The following CTNNA1 variants were observed in gnomAD, a reference collection of about 807,000 sequenced individuals.
CTNNA1 encodes catenin alpha-1.
Under a neutral mutation model 98.4 loss-of-function variants are expected in CTNNA1, and 37 were observed. That is an observed-to-expected ratio of 0.38 (90% CI 0.29 to 0.49). CTNNA1 has a LOEUF of 0.49. CTNNA1 is among the 20% of genes least tolerant of loss of function. CTNNA1 has a pLI of 0.95. For synonymous variants in CTNNA1, 404 were observed against 413.2 expected (o/e 0.98, Z 0.27); for missense variants, 761 against 1,147.2 (o/e 0.66, Z 4.86).
At position 138,925,358 on chromosome 5, in the gene CTNNA1, T is replaced by A; in HGVS notation, c.1850T>A (p.Leu617Gln). 1 of 1,614,192 alleles carries A rather than the reference T, an allele frequency of 6.2e-7. No individual in the cohort carries two copies. Among genetic ancestry groups the A allele is most frequent in the Non-Finnish European group, 8.5e-7 (1 of 1,180,038 alleles). ...AATGAGTTTATCGATGCTTCCCGCCTGGTATATGATGGCATCCGGGACATC... is the reference window on the plus strand; with the variant it reads ...AATGAGTTTATCGATGCTTCCCGCCAGGTATATGATGGCATCCGGGACATC... ...DENEFIDASR[L>Q]VYDGIRDIRK... The change falls in exon 13 of 18, where the codon CTG becomes CAG. Residue 617 changes from leucine (L) to glutamine (Q), a missense_variant. By Grantham distance (113) the Leu-to-Gln change is moderately radical (BLOSUM62 -2). Around this residue, in one of 6 missense-constraint regions of CTNNA1, gnomAD observed 287 missense variants for 436.0 expected, o/e 0.66. Transcript: ENST00000302763.
Position 138,874,250 on chromosome 5 carries a change from G to A in CTNNA1, c.1063-11962G>A, listed in dbSNP as rs1188592372. On this transcript the variant is annotated intron_variant, in intron 7 of 17. Coordinates refer to ENST00000302763, the MANE Select transcript of CTNNA1 (RefSeq NM_001903.5). The surrounding 1 kb of genome is among the most constrained non-coding windows in gnomAD (Gnocchi z 4.1). Reference sequence around the variant, plus strand: ...CTTAAGTTTATATAGTCCTTGAAAAGCATCTTCTTTTACTGTTGAAATTTG... The same window carrying A: ...CTTAAGTTTATATAGTCCTTGAAAAACATCTTCTTTTACTGTTGAAATTTG... The A allele has an allele frequency of 8.7e-6, 14 of 1,613,902 alleles. No homozygotes were observed. Among genetic ancestry groups the A allele is most frequent in the Non-Finnish European group, 1.2e-5 (14 of 1,179,904 alleles).
chr5:138,828,542 A>G (rs760921825), intron 7 of CTNNA1, among the ~76,000 whole-genome samples: 3 of 152,204 alleles, frequency 2.0e-5, no homozygotes, highest in Non-Finnish European at 4.4e-5. Context: ...CTAATTAGCA[A>G]TAAATTAAGT....
At chr5:138,826,316 T>A (rs1322585766) in intron 6 of CTNNA1, among the ~76,000 whole-genome samples, 1 of 152,176 alleles carries the variant, frequency 6.6e-6, no homozygotes, top group East Asian at 1.9e-4. Context: ...TTGAAATCAA[T>A]AAGGACATAG....
intron 16 of CTNNA1, chr5:138,931,625 A>G: frequency 1.0e-6 from 1 of 985,434 alleles, no homozygotes; most frequent in South Asian, 4.7e-5. Flanking sequence ...GACACAAACC[A>G]GTCTTGTCCT....
At chr5:138,847,867 A>G (rs988891900) in intron 7 of CTNNA1, among the ~76,000 whole-genome samples, 1 of 152,208 alleles carries the variant, frequency 6.6e-6, no homozygotes, top group Admixed American at 6.5e-5. Flanking sequence ...GTACTGAGTA[A>G]AAGCTGAAAG....
At position 138,860,000 on chromosome 5, in the gene CTNNA1, G is replaced by T. The variant is rs546984378; in HGVS notation, c.1063-26212G>T. Among the ~76,000 whole-genome samples the T allele has an allele frequency of 6.6e-5, 10 of 152,274 alleles. No homozygotes were observed. The East Asian group carries it at 1.9e-3, about 29-fold the overall frequency. On this transcript the variant is annotated intron_variant, in intron 7 of 17. Coordinates refer to ENST00000302763, the MANE Select transcript of CTNNA1 (RefSeq NM_001903.5). The stretch of plus-strand genomic sequence containing the variant: ...ATTTAAACTGAGGGCGGGGTGTGGT[G>T]TGCGTGTGCATGCGTGTGTGTGTGT...
chr5:138,773,012 A>G (rs890143652), intron 1 of CTNNA1, among the ~76,000 whole-genome samples: 4 of 152,238 alleles, frequency 2.6e-5, no homozygotes. Context: ...AGGTGAAGTG[A>G]CTTAATCAAA....
intron 9 of CTNNA1, among the ~76,000 whole-genome samples, chr5:138,898,344 A>G (rs1339149895): frequency 1.3e-5 from 2 of 152,106 alleles, no homozygotes; most frequent in Admixed American, 6.5e-5. Context: ...CCAATCCCAG[A>G]TATTTCTTTA....
intron 9 of CTNNA1, among the ~76,000 whole-genome samples, chr5:138,902,577 G>A (rs886692167): frequency 6.6e-5 from 10 of 152,230 alleles, no homozygotes; most frequent in Middle Eastern, 3.4e-3. Flanking sequence ...CTGCCACCAC[G>A]CCCGGCTAAT....
rs186212772 is a variant in CTNNA1, at chr5:138,776,197, C to T, written c.-2-5726C>T. Among the ~76,000 whole-genome samples, 10 of 151,572 alleles carry T rather than the reference C, an allele frequency of 6.6e-5. No individual in the cohort carries two copies. The East Asian group carries it at 1.3e-3, about 19-fold the overall frequency. ...CTATGCAGAGGACCCTGCGGCCTTC[C>T]GCAGTGTTTGTGTCCCTGGGTACTT... On this transcript the variant is annotated intron_variant, in intron 1 of 17. Coordinates refer to ENST00000302763, the MANE Select transcript of CTNNA1 (RefSeq NM_001903.5).
chr5:138,934,081 A>G lies in CTNNA1; in HGVS notation c.2713A>G (p.Ser905Gly), dbSNP rs750741242. The change falls in exon 18 of 18, where the codon AGC becomes GGC. Residue 905 changes from serine to glycine, a missense_variant. By Grantham distance (56) the Ser-to-Gly change is moderately conservative. This residue lies in a region of CTNNA1 where 57 missense variants were observed against 90.9 expected (regional missense o/e 0.63). Coordinates refer to ENST00000302763, the MANE Select transcript of CTNNA1 (RefSeq NM_001903.5). Reference protein sequence around the residue: ...QALSEFKAMDSI With the variant: ...QALSEFKAMDGI ...CCTCAGCGAGTTCAAAGCTATGGACAGCATCTAAGTCTGCCCAGGCCGGCC... is the reference window on the plus strand; with the variant it reads ...CCTCAGCGAGTTCAAAGCTATGGACGGCATCTAAGTCTGCCCAGGCCGGCC... 5 of 1,611,544 alleles carry G rather than the reference A, an allele frequency of 3.1e-6. No homozygotes were observed. The African/African-American group carries it at 4.0e-5, about 13-fold the overall frequency.
At chr5:138,888,504 C>T (rs1409102501) in intron 9 of CTNNA1, among the ~76,000 whole-genome samples, 1 of 152,102 alleles carries the variant, frequency 6.6e-6, no homozygotes, top group Non-Finnish European at 1.5e-5. Flanking sequence ...ATGTGTGTCT[C>T]GTACTTTTGA....
chr5:138,776,533 A>G (rs1580937790), intron 1 of CTNNA1, among the ~76,000 whole-genome samples: 1 of 152,130 alleles, frequency 6.6e-6, no homozygotes, highest in Non-Finnish European at 1.5e-5. Flanking sequence ...CATCGTCATC[A>G]TGGCCCGTTC....
intron 9 of CTNNA1, among the ~76,000 whole-genome samples, chr5:138,903,818 T>G (rs1561698348): frequency 6.6e-6 from 1 of 152,224 alleles, no homozygotes; most frequent in Non-Finnish European, 1.5e-5. Context: ...TGATGTTGTC[T>G]TCATGTTATT....
chr5:138,825,209 G>A (rs17286207), intron 6 of CTNNA1, among the ~76,000 whole-genome samples: 7,357 of 152,208 alleles, frequency 0.048, 236 homozygotes, highest in Non-Finnish European at 0.077. Context: ...ATAAGTGACT[G>A]CAGCAAAAGT....
chr5:138,859,782 C>T (rs955443888), intron 7 of CTNNA1, among the ~76,000 whole-genome samples: 6 of 152,132 alleles, frequency 3.9e-5, no homozygotes, highest in Admixed American at 6.5e-5. Context: ...GTGCCATGCA[C>T]CTGTAGTCGC....
chr5:138,759,936 C>G (rs1437028533), intron 1 of CTNNA1, among the ~76,000 whole-genome samples: 1 of 145,798 alleles, frequency 6.9e-6, no homozygotes. Context: ...GTGCTTCCTA[C>G]TCTGCTGTTT....
intron 7 of CTNNA1, among the ~76,000 whole-genome samples, chr5:138,879,988 G>C (rs1462178553): frequency 1.3e-5 from 2 of 152,170 alleles, no homozygotes; most frequent in East Asian, 3.9e-4. Context: ...CTTGTATTTT[G>C]TGCCCAGGGC....
chr5:138,771,109 A>G (rs1753504288), intron 1 of CTNNA1, among the ~76,000 whole-genome samples: 1 of 152,020 alleles, frequency 6.6e-6, no homozygotes, highest in Non-Finnish European at 1.5e-5. Flanking sequence ...TGAAGGCTTC[A>G]TGAAGGCAGG....
Sources: gnomAD v4.1 joint callset for allele counts (sites outside exome capture counted in the v4.1 genomes callset) on GRCh38, gnomAD v4.1.1 for gene constraint, gnomAD v4.1.1 regional missense constraint, Gnocchi (gnomAD v3.1) non-coding constraint, MANE v1.5 for transcripts, NCBI Gene and HGNC (gene_info 2026-07-23, HGNC 2026-07-21) for gene names.